CACNB2: variants seen among roughly 807,000 people sequenced by gnomAD.
CACNB2 encodes voltage-dependent L-type calcium channel subunit beta-2.
Under a neutral mutation model 73.3 loss-of-function variants are expected in CACNB2, and 42 were observed. The observed-to-expected ratio is 0.57, with a 90% confidence interval of 0.45 to 0.74. The LOEUF (loss-of-function observed/expected upper bound fraction) is 0.74. Among genes scored for constraint, CACNB2 ranks in the 30% least tolerant of loss-of-function variants. The pLI, the probability that CACNB2 is intolerant of heterozygous loss-of-function variation, is 0.00. For synonymous variants in CACNB2, 348 were observed against 310.3 expected (o/e 1.12, Z -1.28); for missense variants, 940 against 853.0 (o/e 1.10, Z -1.27).
At chr10:18,411,760 G>A (rs530306578) in intron 3 of CACNB2, among the ~76,000 whole-genome samples, 3 of 152,208 alleles carry the variant, frequency 2.0e-5, no homozygotes, top group Admixed American at 6.5e-5. Context: ...TGCCTGCCTC[G>A]GCCTCCCAAA....
chr10:18,538,705 G>A (rs922922971), intron 13 of CACNB2, among the ~76,000 whole-genome samples: 1 of 152,112 alleles, frequency 6.6e-6, no homozygotes, highest in Non-Finnish European at 1.5e-5. Flanking sequence ...GAATAATAAT[G>A]GCAACCTGTC....
chr10:18,226,189 G>A (rs529892292), intron 2 of CACNB2, among the ~76,000 whole-genome samples: 3 of 152,014 alleles, frequency 2.0e-5, no homozygotes, highest in Admixed American at 6.5e-5. Context: ...ACCATGCCTG[G>A]CTAATTTTTG....
At chr10:18,178,419 A>G (rs968817696) in intron 2 of CACNB2, among the ~76,000 whole-genome samples, 5 of 152,216 alleles carry the variant, frequency 3.3e-5, no homozygotes, top group African/African-American at 4.8e-5. Context: ...TTGTGCATGT[A>G]TATCATAATT....
chr10:18,410,990 AAAAG>A (rs1168328236), intron 3 of CACNB2, among the ~76,000 whole-genome samples: 3 of 152,188 alleles, frequency 2.0e-5, no homozygotes, highest in South Asian at 2.1e-4. Flanking sequence ...AAAAAAATAA[AAAAG>A]AAAGATAAAA....
In CACNB2 at chr10:18,540,539, G is replaced by A. The variant is rs2054015294; in HGVS notation, c.*815G>A. 6.6e-6 allele frequency: 1 copy of A among 152,514 alleles called. No homozygotes were observed. The highest frequency in any genetic ancestry group is 2.4e-5 in the African/African-American group (1 of 41,390). The allele number at this position is 152,514 out of a possible 1,614,324, so 9.4% of individuals were successfully genotyped here. A position where few individuals can be genotyped will look rare whatever the true frequency, so the allele number is the denominator to read the frequency against. ...CTTGACTTGAAAAGGTTTGAATTCT[G>A]AATGTTATACCATCCTTGTAAGTAA... On this transcript the variant is annotated 3_prime_UTR_variant, in exon 14 of 14. Coordinates refer to ENST00000324631, the MANE Select transcript of CACNB2 (RefSeq NM_201596.3).
At chr10:18,528,260 T>G (rs2052671051) in intron 10 of CACNB2, among the ~76,000 whole-genome samples, 1 of 152,224 alleles carries the variant, frequency 6.6e-6, no homozygotes, top group African/African-American at 2.4e-5. Flanking sequence ...TCAATATGTT[T>G]GTTTTATTTG....
At chr10:18,442,485 G>A (rs760312292) in intron 3 of CACNB2, among the ~76,000 whole-genome samples, 1 of 151,446 alleles carries the variant, frequency 6.6e-6, no homozygotes, top group African/African-American at 2.4e-5. Context: ...CAGAGTAATC[G>A]TATTACCTTT....
intron 2 of CACNB2, among the ~76,000 whole-genome samples, chr10:18,214,466 A>T (rs2035434210): frequency 1.4e-5 from 1 of 71,528 alleles, no homozygotes; most frequent in South Asian, 5.3e-4. Context: ...TCTTTACCAA[A>T]AATATAAAAA....
chr10:18,539,685 G>A lies in CACNB2; in HGVS notation c.1944G>A (p.Glu648=), dbSNP rs1226944672. Residue 648 remains glutamate (E), a synonymous_variant, in exon 14 of 14, where the codon GAG becomes GAA. Transcript: ENST00000324631. ...DGEVISKKRN[E]AGEWNRDVYI... is the part of the protein sequence containing the mutation. ...AAGTGATATCAAAAAAACGGAATGAGGCTGGGGAGTGGAACAGGGATGTTT... is the reference window on the plus strand; with the variant it reads ...AAGTGATATCAAAAAAACGGAATGAAGCTGGGGAGTGGAACAGGGATGTTT... The A allele has an allele frequency of 9.3e-6, 15 of 1,612,922 alleles. No individual in the cohort carries two copies. The highest frequency in any genetic ancestry group is 2.2e-5 in the East Asian group (1 of 44,858).
chr10:18,408,415 T>C (rs1420893120), intron 3 of CACNB2, among the ~76,000 whole-genome samples: 1 of 151,812 alleles, frequency 6.6e-6, no homozygotes, highest in Non-Finnish European at 1.5e-5. Context: ...ATTTTTGTAT[T>C]TTTAATAGAG....
chr10:18,536,632 T>C (rs543573432), intron 12 of CACNB2, among the ~76,000 whole-genome samples: 1 of 152,186 alleles, frequency 6.6e-6, no homozygotes, highest in South Asian at 2.1e-4. Flanking sequence ...TCACTTACAG[T>C]GGTATTCATT....
intron 3 of CACNB2, among the ~76,000 whole-genome samples, chr10:18,423,951 T>A (rs1367666127): frequency 1.3e-5 from 2 of 152,128 alleles, no homozygotes; most frequent in Non-Finnish European, 2.9e-5. Context: ...ATAATAAAAA[T>A]TTATTGAAAA....
At chr10:18,287,720 AC>A (rs1279383350) in intron 2 of CACNB2, among the ~76,000 whole-genome samples, 7 of 152,224 alleles carry the variant, frequency 4.6e-5, no homozygotes, top group Non-Finnish European at 8.8e-5. Context: ...GCACGATGGC[AC>A]GCCCTGTAGT....
chr10:18,336,855 C>T (rs1279903885), intron 2 of CACNB2, among the ~76,000 whole-genome samples: 6 of 152,042 alleles, frequency 3.9e-5, no homozygotes, highest in Non-Finnish European at 5.9e-5. Flanking sequence ...TCCTTGGTTG[C>T]GTGTTAGACA....
intron 2 of CACNB2, among the ~76,000 whole-genome samples, chr10:18,338,706 C>T (rs1432835605): frequency 7.3e-6 from 1 of 137,018 alleles, no homozygotes; most frequent in Non-Finnish European, 1.5e-5. Context: ...TCCTTCCTGA[C>T]TTCCTGCCTT....
At chr10:18,407,467 A>G (rs1181873030) in intron 3 of CACNB2, among the ~76,000 whole-genome samples, 1 of 151,822 alleles carries the variant, frequency 6.6e-6, no homozygotes, top group Non-Finnish European at 1.5e-5. Flanking sequence ...AAAATCTCTA[A>G]TATTTTGGGA....
intron 4 of CACNB2, among the ~76,000 whole-genome samples, chr10:18,499,460 C>CA (rs1346986160): frequency 6.6e-6 from 1 of 151,740 alleles, no homozygotes; most frequent in Non-Finnish European, 1.5e-5. Flanking sequence ...ACTAAAAATA[C>CA]AAAAATTATC....
At chr10:18,324,199 G>C (rs1297849472) in intron 2 of CACNB2, among the ~76,000 whole-genome samples, 1 of 152,204 alleles carries the variant, frequency 6.6e-6, no homozygotes, top group East Asian at 1.9e-4. Context: ...ACAGGGAGGA[G>C]AATTATATAT....
intron 2 of CACNB2, among the ~76,000 whole-genome samples, chr10:18,267,621 A>G (rs897951166): frequency 1.3e-5 from 2 of 152,190 alleles, no homozygotes; most frequent in African/African-American, 2.4e-5. Context: ...AGAAAACAAA[A>G]AAATAAAAAG....
Sources: allele counts gnomAD v4.1 joint callset (sites outside exome capture counted in the v4.1 genomes callset), GRCh38; gene constraint gnomAD v4.1.1; transcripts MANE v1.5; gene names NCBI Gene and HGNC (gene_info 2026-07-23, HGNC 2026-07-21).